PMPCA: variants seen among roughly 807,000 people sequenced by gnomAD.
The protein encoded by PMPCA is mitochondrial-processing peptidase subunit alpha.
In PMPCA, 47 loss-of-function variants were observed where a neutral mutation model predicts 59.3. The ratio of observed to expected loss-of-function variants is 0.79; its 90% confidence interval spans 0.63 to 1.01. The LOEUF (loss-of-function observed/expected upper bound fraction) is 1.01. PMPCA is among the 50% of genes least tolerant of loss of function. PMPCA has a pLI of 0.00. For synonymous variants in PMPCA, 338 were observed against 290.3 expected, an observed-to-expected ratio of 1.16 and a Z score of -1.67; for missense variants, 726 against 704.5, an observed-to-expected ratio of 1.03 and a Z score of -0.34.
chr9:136,418,552 C>A lies in PMPCA; in HGVS notation c.991-3C>A. 6.3e-7 allele frequency: 1 copy of A among 1,582,560 alleles called. No homozygotes were observed. The highest frequency in any genetic ancestry group is 8.7e-7 in the Non-Finnish European group (1 of 1,151,362). ...CAGCCAGCTCTGCCCTCCGTCCCTGCAGGAGGAGGACTTCATCCCCTTTGC... is the reference window on the plus strand; with the variant it reads ...CAGCCAGCTCTGCCCTCCGTCCCTGAAGGAGGAGGACTTCATCCCCTTTGC... On this transcript the variant is annotated splice_polypyrimidine_tract_variant and splice_region_variant and intron_variant, in intron 8 of 12. Transcript: ENST00000371717.
chr9:136,411,734 T>A (rs1360756761), intron 1 of PMPCA, among the ~76,000 whole-genome samples: 1 of 152,210 alleles, frequency 6.6e-6, no homozygotes, highest in Non-Finnish European at 1.5e-5. Context: ...AAACTGCACT[T>A]AGAGTGAGTT....
chr9:136,422,106 C>T (rs1330608541), intron 12 of PMPCA, 130 bp downstream of exon 12: 2 of 1,545,530 alleles, frequency 1.3e-6, no homozygotes, highest in Non-Finnish European at 8.7e-7. Context: ...GGGCCTTCAC[C>T]AGTTGTCCTC....
At chr9:136,419,212 C>T (rs1835376047) in intron 11 of PMPCA, 106 bp downstream of exon 11, 3 of 1,083,392 alleles carry the variant, frequency 2.8e-6, no homozygotes, top group African/African-American at 3.1e-5. Flanking sequence ...AGCCTCAGGG[C>T]CAAGGTCCCG....
chr9:136,412,863 T>TG lies in PMPCA; in HGVS notation c.413dup (p.Ile139TyrfsTer3). On this transcript the variant is annotated frameshift_variant, in exon 4 of 13. Transcript: ENST00000371717. LOFTEE classifies it high-confidence loss of function. ...AAATTCTGCTTACGTTGGAAAAGCATGGGGGTATCTGTGACTGCCAGACAT... is the reference window on the plus strand; with the variant it reads ...AAATTCTGCTTACGTTGGAAAAGCATGGGGGGTATCTGTGACTGCCAGACAT... The TG allele has an allele frequency of 1.9e-6, 3 of 1,608,074 alleles. No individual in the cohort carries two copies. The highest frequency in any genetic ancestry group is 2.6e-6 in the Non-Finnish European group (3 of 1,174,590).
chr9:136,422,343 CT>C (rs1469387521), intron 12 of PMPCA: 1 of 1,165,326 alleles, frequency 8.6e-7, no homozygotes, highest in African/African-American at 1.6e-5. Context: ...CGGAATGCCG[CT>C]GTACCGTTGC....
chr9:136,422,513 T>G, intron 12 of PMPCA: 1 of 1,026,774 alleles, frequency 9.7e-7, no homozygotes, highest in African/African-American at 1.7e-5. Flanking sequence ...TTGGGGTGGC[T>G]CGGGCTTATG....
In PMPCA at chr9:136,418,823, C is replaced by T. The variant is rs959441828; in HGVS notation, c.1110-5C>T. The T allele has an allele frequency of 6.2e-7, 1 of 1,609,442 alleles. No individual in the cohort carries two copies. Among genetic ancestry groups the T allele is most frequent in the Middle Eastern group, 1.7e-4 (1 of 6,022 alleles). ...TTCACTCCCATGACTCTCGCTTCCT[C>T]CCAGGCACCACTGGATGTATAACGC... On this transcript the variant is annotated splice_polypyrimidine_tract_variant and splice_region_variant and intron_variant, in intron 9 of 12. Coordinates refer to ENST00000371717, the MANE Select transcript of PMPCA (RefSeq NM_015160.3).
chr9:136,421,752 G>T, intron 11 of PMPCA, 80 bp from the exon 12 acceptor site: 1 of 1,326,982 alleles, frequency 7.5e-7, no homozygotes, highest in Admixed American at 2.1e-5. Context: ...CACAGAGATG[G>T]CGTTTTGCCA....
chr9:136,419,399 G>C (rs377370706), intron 11 of PMPCA: 1 of 529,452 alleles, frequency 1.9e-6, no homozygotes, highest in Non-Finnish European at 3.4e-6. Context: ...TGGGTGAGTC[G>C]TGGGACTGAC....
Position 136,418,812 on chromosome 9 carries a change from T to A in PMPCA, c.1110-16T>A. On this transcript the variant is annotated splice_polypyrimidine_tract_variant and intron_variant, in intron 9 of 12. Coordinates refer to ENST00000371717, the MANE Select transcript of PMPCA (RefSeq NM_015160.3). ...GGCGAGTCCCCTTCACTCCCATGAC[T>A]CTCGCTTCCTCCCAGGCACCACTGG... 1 of 1,598,582 alleles carries A rather than the reference T, an allele frequency of 6.3e-7. No individual in the cohort carries two copies. Among genetic ancestry groups the A allele is most frequent in the Non-Finnish European group, 8.6e-7 (1 of 1,167,166 alleles).
At chr9:136,412,226 G>A (rs1295112381) in intron 2 of PMPCA, 27 bp downstream of exon 2, 2 of 1,535,592 alleles carry the variant, frequency 1.3e-6, no homozygotes, top group Admixed American at 3.3e-5. Flanking sequence ...TGTCGTGGGT[G>A]GTCCCGCAGT....
At chr9:136,421,256 G>A (rs1042788089) in intron 11 of PMPCA, among the ~76,000 whole-genome samples, 3 of 152,214 alleles carry the variant, frequency 2.0e-5, no homozygotes, top group Non-Finnish European at 2.9e-5. Context: ...CCCGCTGCAT[G>A]TCACACAGAC....
intron 1 of PMPCA, 66 bp downstream of exon 1, chr9:136,410,805 G>A (rs1383472177): frequency 1.6e-6 from 2 of 1,280,876 alleles, no homozygotes; most frequent in Non-Finnish European, 2.0e-6. Flanking sequence ...TGGACGCTCC[G>A]TCTTCGGTTT....
Position 136,423,406 on chromosome 9 carries a change from T to G in PMPCA, c.*142T>G. On this transcript the variant is annotated 3_prime_UTR_variant, in exon 13 of 13. Coordinates refer to ENST00000371717, the MANE Select transcript of PMPCA (RefSeq NM_015160.3). Reference sequence around the variant, plus strand: ...AATGTCGCCACAGCACCCACGCGGTTTGCATTCTTTTGGAACTCAATGTGC... The same window carrying G: ...AATGTCGCCACAGCACCCACGCGGTGTGCATTCTTTTGGAACTCAATGTGC... The G allele has an allele frequency of 1.2e-6, 1 of 817,630 alleles. No individual in the cohort carries two copies. The highest frequency in any genetic ancestry group is 1.9e-6 in the Non-Finnish European group (1 of 532,686). The allele number at this position is 817,630 out of a possible 1,614,324, so 50.6% of individuals were successfully genotyped here.
chr9:136,413,955 C>CA, intron 4 of PMPCA, among the ~76,000 whole-genome samples: 1 of 152,342 alleles, frequency 6.6e-6, no homozygotes, highest in South Asian at 2.1e-4. Context: ...CACTTGATCT[C>CA]AGAGCACCCC....
chr9:136,421,754 G>C lies in PMPCA; in HGVS notation c.1264-78G>C, dbSNP rs937915260. The C allele has an allele frequency of 3.7e-6, 5 of 1,361,654 alleles. No homozygotes were observed. In the African/African-American group the frequency reaches 5.8e-5, roughly 16 times the overall value. 84.3% of individuals were successfully genotyped at this position (1,361,654 alleles called of 1,614,324 possible). ...GTTCAGCTTTGGGCACAGAGATGGCGTTTTGCCATTGCTCGAGTGGGGGGT... is the reference window on the plus strand; with the variant it reads ...GTTCAGCTTTGGGCACAGAGATGGCCTTTTGCCATTGCTCGAGTGGGGGGT... On this transcript the variant is annotated intron_variant, in intron 11 of 12. Coordinates refer to ENST00000371717, the MANE Select transcript of PMPCA (RefSeq NM_015160.3).
intron 8 of PMPCA, 38 bp downstream of exon 8, chr9:136,418,147 C>T (rs1835335998): frequency 2.1e-6 from 3 of 1,437,048 alleles, no homozygotes; most frequent in Non-Finnish European, 2.9e-6. Flanking sequence ...GTTCCTGATG[C>T]AGTGTGGCCG....
In PMPCA at chr9:136,418,109, G is replaced by A. The variant is rs1319627118; in HGVS notation, c.990G>A (p.Leu330=). 1 of 1,601,814 alleles carries A rather than the reference G, an allele frequency of 6.2e-7. No homozygotes were observed. Among genetic ancestry groups the A allele is most frequent in the Non-Finnish European group, 8.6e-7 (1 of 1,168,788 alleles). The part of the protein sequence containing the change: ...IMVGLESCSF[L]EEDFIPFAVL... ...TTGGACTGGAGAGCTGCTCCTTCCTGGTGAGTCCTGGTGCTGGGTCTGATG... is the reference window on the plus strand; with the variant it reads ...TTGGACTGGAGAGCTGCTCCTTCCTAGTGAGTCCTGGTGCTGGGTCTGATG... Residue 330 remains leucine (L), a splice_region_variant and synonymous_variant, in exon 8 of 13, where the codon CTG becomes CTA. Transcript: ENST00000371717.
Position 136,423,386 on chromosome 9 carries a change from C to T in PMPCA, c.*122C>T, listed in dbSNP as rs1006690380. ...GTTGTATAAACGGTGCAAACAATGTCGCCACAGCACCCACGCGGTTTGCAT... is the reference window on the plus strand; with the variant it reads ...GTTGTATAAACGGTGCAAACAATGTTGCCACAGCACCCACGCGGTTTGCAT... On this transcript the variant is annotated 3_prime_UTR_variant, in exon 13 of 13. Transcript: ENST00000371717. 5.0e-5 allele frequency: 50 copies of T among 991,914 alleles called. 1 individual carries two copies. Among genetic ancestry groups the T allele is most frequent in the East Asian group, 1.3e-4 (5 of 38,260 alleles). The allele number at this position is 991,914 out of a possible 1,614,324, so 61.4% of individuals were successfully genotyped here. A position where few individuals can be genotyped will look rare whatever the true frequency, so the allele number is the denominator to read the frequency against.
Sources: allele counts gnomAD v4.1 joint callset (sites outside exome capture counted in the v4.1 genomes callset), GRCh38; gene constraint gnomAD v4.1.1; transcripts MANE v1.5; gene names NCBI Gene and HGNC (gene_info 2026-07-23, HGNC 2026-07-21).